SPATA16: variants seen among roughly 807,000 people sequenced by gnomAD.
SPATA16 encodes spermatogenesis-associated protein 16.
SPATA16 carries 36 observed loss-of-function variants against 63.3 expected under a neutral mutation model. That is an observed-to-expected ratio of 0.57 (90% CI 0.44 to 0.75). SPATA16 has a LOEUF of 0.75. SPATA16 is among the 30% of genes least tolerant of loss of function. SPATA16 has a pLI of 0.00. For synonymous variants in SPATA16, 203 were observed against 216.7 expected (o/e 0.94, Z 0.56); for missense variants, 646 against 679.3 (o/e 0.95, Z 0.54).
At chr3:173,069,271 A>G (rs1736609703) in intron 2 of SPATA16, among the ~76,000 whole-genome samples, 1 of 152,132 alleles carries the variant, frequency 6.6e-6, no homozygotes, top group South Asian at 2.1e-4. Context: ...AAGAAGAGCC[A>G]AATAAATAAA....
At chr3:173,065,471 A>G (rs1179487663) in intron 2 of SPATA16, among the ~76,000 whole-genome samples, 1 of 152,216 alleles carries the variant, frequency 6.6e-6, no homozygotes, top group African/African-American at 2.4e-5. Flanking sequence ...ACACTTTTGC[A>G]ATTGTTCCCC....
intron 1 of SPATA16, among the ~76,000 whole-genome samples, chr3:173,136,036 C>A (rs190128943): frequency 1.3e-5 from 2 of 152,174 alleles, no homozygotes; most frequent in East Asian, 3.8e-4. Flanking sequence ...CCCCCTACTC[C>A]CTTATCTACA....
chr3:173,135,666 G>C (rs1368845315), intron 1 of SPATA16, among the ~76,000 whole-genome samples: 1 of 152,182 alleles, frequency 6.6e-6, no homozygotes, highest in African/African-American at 2.4e-5. Flanking sequence ...AAAACATGGA[G>C]TGAAAGAAGC....
At chr3:172,899,940 A>G (rs1205506760) in intron 10 of SPATA16, among the ~76,000 whole-genome samples, 3 of 152,154 alleles carry the variant, frequency 2.0e-5, no homozygotes, top group African/African-American at 7.2e-5. Flanking sequence ...ACTACATTAA[A>G]CAATGTTATT....
At chr3:173,009,097 T>TA (rs540302930) in intron 4 of SPATA16, among the ~76,000 whole-genome samples, 191 of 152,278 alleles carry the variant, frequency 1.3e-3, no homozygotes, top group African/African-American at 3.4e-3. Flanking sequence ...TTCTGCACTT[T>TA]AAAAAAACTG....
intron 2 of SPATA16, among the ~76,000 whole-genome samples, chr3:173,062,901 G>A (rs1736418016): frequency 6.6e-6 from 1 of 152,128 alleles, no homozygotes; most frequent in Non-Finnish European, 1.5e-5. Flanking sequence ...TTCACAATAG[G>A]GTTTGTACTC....
chr3:172,963,260 C>T (rs1267988389), intron 5 of SPATA16, among the ~76,000 whole-genome samples: 19 of 152,046 alleles, frequency 1.2e-4, no homozygotes, highest in Admixed American at 1.2e-3. Flanking sequence ...TTACCTCTGT[C>T]AGCCCAGTGA....
intron 4 of SPATA16, among the ~76,000 whole-genome samples, chr3:172,987,466 C>A (rs1045944410): frequency 6.6e-6 from 1 of 152,186 alleles, no homozygotes; most frequent in African/African-American, 2.4e-5. Context: ...TGGAACATTT[C>A]CCTACCAGCA....
At chr3:172,922,309 G>A (rs1157938122) in intron 8 of SPATA16, among the ~76,000 whole-genome samples, 1 of 152,184 alleles carries the variant, frequency 6.6e-6, no homozygotes, top group African/African-American at 2.4e-5. Context: ...TAGGAAAGTT[G>A]ATGAAATTCC....
At chr3:172,896,769 G>A (rs1732018507) in intron 10 of SPATA16, among the ~76,000 whole-genome samples, 1 of 151,094 alleles carries the variant, frequency 6.6e-6, no homozygotes, top group South Asian at 2.1e-4. Context: ...TCAAATCTTT[G>A]TCATTTTCAA....
chr3:173,119,301 T>TA (rs763563353), intron 1 of SPATA16, among the ~76,000 whole-genome samples: 7 of 152,192 alleles, frequency 4.6e-5, no homozygotes, highest in Non-Finnish European at 8.8e-5. Flanking sequence ...TCTGCACATG[T>TA]ATCCCAGAAC....
chr3:173,119,255 A>G (rs917283647), intron 1 of SPATA16, among the ~76,000 whole-genome samples: 1 of 152,302 alleles, frequency 6.6e-6, no homozygotes, highest in Non-Finnish European at 1.5e-5. Context: ...GGAAACCACC[A>G]TGGCACATGT....
intron 3 of SPATA16, among the ~76,000 whole-genome samples, chr3:173,035,864 A>T (rs1339262028): frequency 6.6e-6 from 1 of 152,062 alleles, no homozygotes; most frequent in African/African-American, 2.4e-5. Context: ...TGGTAGGGAA[A>T]ACAGCTGGCT....
chr3:172,989,280 A>G (rs16846380), intron 4 of SPATA16, among the ~76,000 whole-genome samples: 6,123 of 152,224 alleles, frequency 0.04, 421 homozygotes, highest in African/African-American at 0.14. Context: ...AATTTCAGGG[A>G]CATCAAAACA....
intron 2 of SPATA16, among the ~76,000 whole-genome samples, chr3:173,110,436 A>G (rs1020034755): frequency 1.3e-5 from 2 of 152,198 alleles, no homozygotes; most frequent in African/African-American, 4.8e-5. Context: ...GAAATTGTTA[A>G]TGTTAATCAA....
chr3:173,018,532 T>C (rs1340776306), intron 4 of SPATA16, among the ~76,000 whole-genome samples: 2 of 152,150 alleles, frequency 1.3e-5, no homozygotes, highest in Admixed American at 1.3e-4. Flanking sequence ...TGCCTCGGCC[T>C]CCCAAAGTGC....
At chr3:172,946,591 G>T (rs1323060182) in intron 6 of SPATA16, among the ~76,000 whole-genome samples, 1 of 152,084 alleles carries the variant, frequency 6.6e-6, no homozygotes, top group Non-Finnish European at 1.5e-5. Flanking sequence ...TGGCCCCAGG[G>T]GGAGACTCCT....
chr3:173,022,915 A>G (rs1248331351), intron 3 of SPATA16, among the ~76,000 whole-genome samples: 1 of 152,092 alleles, frequency 6.6e-6, no homozygotes, highest in Non-Finnish European at 1.5e-5. Context: ...TTTTTGTCAG[A>G]AGAAAAGGAG....
intron 4 of SPATA16, among the ~76,000 whole-genome samples, chr3:173,008,530 T>C (rs1018092911): frequency 2.0e-5 from 3 of 152,218 alleles, no homozygotes; most frequent in African/African-American, 7.2e-5. Flanking sequence ...TGATATTACT[T>C]GTTTAAAATA....
Sources: gnomAD v4.1 joint callset for allele counts (sites outside exome capture counted in the v4.1 genomes callset) on GRCh38, gnomAD v4.1.1 for gene constraint, MANE v1.5 for transcripts, NCBI Gene and HGNC (gene_info 2026-07-23, HGNC 2026-07-21) for gene names.